ACSM2B: variants seen among roughly 807,000 people sequenced by gnomAD.
ACSM2B encodes the protein acyl-coenzyme A synthetase ACSM2B, mitochondrial.
A neutral mutation model predicts 78.6 loss-of-function variants in ACSM2B; 58 were observed. The ratio of observed to expected loss-of-function variants is 0.74; its 90% confidence interval spans 0.60 to 0.92. The LOEUF is 0.92. Among genes scored for constraint, ACSM2B ranks in the 40% least tolerant of loss-of-function variants. The pLI is 0.00. For missense variants in ACSM2B, 688 were observed against 711.2 expected (o/e 0.97, Z 0.37); for synonymous variants, 257 against 256.8 (o/e 1.00, Z -0.01).
chr16:20,567,091 T>C (rs1567218992), intron 1 of ACSM2B, among the ~76,000 whole-genome samples: 1 of 135,308 alleles, frequency 7.4e-6, no homozygotes, highest in East Asian at 2.0e-4. Flanking sequence ...TCTAGATATA[T>C]ATAATATCAT....
intron 2 of ACSM2B, among the ~76,000 whole-genome samples, chr16:20,560,622 C>A (rs564491168): frequency 6.6e-6 from 1 of 152,106 alleles, no homozygotes; most frequent in East Asian, 1.9e-4. Flanking sequence ...TCCTTTACAG[C>A]AACACAAGAA....
intron 9 of ACSM2B, among the ~76,000 whole-genome samples, chr16:20,545,978 G>A (rs2015129107): frequency 6.6e-6 from 1 of 152,068 alleles, no homozygotes; most frequent in Non-Finnish European, 1.5e-5. Context: ...AAACAGCAGT[G>A]GATACATACT....
intron 3 of ACSM2B, among the ~76,000 whole-genome samples, chr16:20,557,496 G>A (rs917309518): frequency 1.3e-5 from 2 of 152,084 alleles, no homozygotes; most frequent in Non-Finnish European, 2.9e-5. Context: ...TCTTATCTGA[G>A]ATTTCCAACT....
Position 20,541,939 on chromosome 16 carries a change from C to G in ACSM2B, c.1509+975G>C, listed in dbSNP as rs550049438. 3.3e-5 allele frequency: 5 copies of G among 152,360 alleles called. No individual in the cohort carries two copies. In the South Asian group the frequency reaches 1.0e-3, roughly 32 times the overall value. The allele number at this position is 152,360 out of a possible 1,614,324, so 9.4% of individuals were successfully genotyped here. ...CTCGTGATCCATCTGCCTCAGCCTC[C>G]CAACCAAGCACTTTACTTTCTAAAA... On this transcript the variant is annotated intron_variant, in intron 12 of 13. Coordinates refer to ENST00000329697, the MANE Select transcript of ACSM2B (RefSeq NM_001105069.2).
chr16:20,548,841 G>A (rs1242167739), intron 6 of ACSM2B, among the ~76,000 whole-genome samples: 2 of 152,090 alleles, frequency 1.3e-5, no homozygotes, highest in Admixed American at 1.3e-4. Flanking sequence ...CAGCTGTCTT[G>A]GTTGAGTCCC....
In ACSM2B at chr16:20,541,018, C is replaced by T. The variant is rs151263080; in HGVS notation, c.1510-245G>A. ...CCAGGCTCACCTCATGCTCCAAGGA[C>T]AACAGAGACAGATGAGGAGAAAGAA... On this transcript the variant is annotated intron_variant, in intron 12 of 13. Transcript: ENST00000329697. The T allele has an allele frequency of 2.1e-4, 71 of 345,310 alleles. 1 individual carries two copies. In the East Asian group the frequency reaches 3.2e-3, roughly 15 times the overall value. 21.4% of individuals were successfully genotyped at this position (345,310 alleles called of 1,614,324 possible).
rs2015707337 is a variant in ACSM2B at position 20,562,935 on chromosome 16, T to G, written c.177+1734A>C. On this transcript the variant is annotated intron_variant, in intron 2 of 13. Transcript: ENST00000329697. ...AGCAAGGAACTGACTTTACCTGTCC[T>G]GTGTCTGCCTCACCCAGAAACAAAC... Among the ~76,000 whole-genome samples, 8 of 152,196 alleles carry G rather than the reference T, an allele frequency of 5.3e-5. No individual in the cohort carries two copies. The South Asian group carries it at 1.7e-3, about 32-fold the overall frequency.
chr16:20,574,831 AT>A (rs2016199640), intron 1 of ACSM2B, among the ~76,000 whole-genome samples: 2 of 150,860 alleles, frequency 1.3e-5, no homozygotes, highest in South Asian at 2.1e-4. Context: ...ATCTTGGCAG[AT>A]TTGAGGCTCA....
chr16:20,572,725 G>A (rs1272091251), intron 1 of ACSM2B, among the ~76,000 whole-genome samples: 15 of 151,756 alleles, frequency 9.9e-5, no homozygotes, highest in Middle Eastern at 3.4e-3. Context: ...TCTTAGGTTT[G>A]ATCATTTAAC....
chr16:20,574,662 G>T (rs999200200), intron 1 of ACSM2B: 3 of 148,650 alleles, frequency 2.0e-5, no homozygotes, highest in African/African-American at 7.8e-5. Flanking sequence ...AACAATCAAT[G>T]CCCTCACTTT....
In ACSM2B at chr16:20,545,101, C is replaced by T. The variant is rs9935952; in HGVS notation, c.1281+56G>A. 5,641 of 1,562,376 alleles carry T rather than the reference C, an allele frequency of 3.6e-3. 165 individuals are homozygous for T. In the African/African-American group the frequency reaches 0.068, roughly 19 times the overall value. On this transcript the variant is annotated intron_variant, in intron 10 of 13. Transcript: ENST00000329697. ...TCAGAACATTTGTCCTCCCTCATCC[C>T]GTTTAGTGCTCCCATCCTCACTGGG...
At position 20,548,450 on chromosome 16, in the gene ACSM2B, C is replaced by G; in HGVS notation, c.918G>C (p.Lys306Asn). 1.2e-6 allele frequency: 2 copies of G among 1,613,626 alleles called. No individual in the cohort carries two copies. The highest frequency in any genetic ancestry group is 1.7e-6 in the Non-Finnish European group (2 of 1,179,690). ...AAACAATAGGGGCACCCATCATACTCTTGATTGGATAACTGGAGAGTGTCT... is the reference window on the plus strand; with the variant it reads ...AAACAATAGGGGCACCCATCATACTGTTGATTGGATAACTGGAGAGTGTCT... The part of the protein sequence containing the change: ...ILKTLSSYPI[K>N]SMMGAPIVYR... The change falls in exon 7 of 14, where the codon AAG becomes AAC. Residue 306 changes from lysine (K) to asparagine (N), a missense_variant. Physicochemically the swap from Lys to Asn is moderately conservative, Grantham distance 94 (BLOSUM62 0). Transcript: ENST00000329697.
At chr16:20,545,071 A>G (rs1259414004) in intron 10 of ACSM2B, 86 bp downstream of exon 10, 11 of 1,460,100 alleles carry the variant, frequency 7.5e-6, no homozygotes, top group Non-Finnish European at 1.0e-5. Flanking sequence ...TGCCTCTTGG[A>G]AGTTTCAGAA....
chr16:20,575,475 C>T (rs2016220933), intron 1 of ACSM2B: 1 of 151,852 alleles, frequency 6.6e-6, no homozygotes, highest in African/African-American at 2.4e-5. Flanking sequence ...CAAGGAGAGC[C>T]AGTTTGAGTT....
chr16:20,556,226 C>G (rs1030336280), intron 3 of ACSM2B, among the ~76,000 whole-genome samples: 54 of 152,148 alleles, frequency 3.5e-4, no homozygotes, highest in African/African-American at 1.3e-3. Context: ...AGATATATCC[C>G]ATGATTATCA....
At chr16:20,555,135 A>T in intron 4 of ACSM2B, 134 bp downstream of exon 4, 2 of 1,428,110 alleles carry the variant, frequency 1.4e-6, no homozygotes, top group Non-Finnish European at 1.9e-6. Flanking sequence ...ATTAGCTTTT[A>T]TTTCTTCCCA....
intron 1 of ACSM2B, among the ~76,000 whole-genome samples, chr16:20,566,382 T>C (rs1319169120): frequency 7.5e-6 from 1 of 133,074 alleles, no homozygotes. Context: ...AAAATATATA[T>C]ACTACATTAT....
chr16:20,544,808 T>A (rs957183942), intron 10 of ACSM2B: 2 of 1,001,846 alleles, frequency 2.0e-6, no homozygotes, highest in African/African-American at 1.7e-5. Context: ...ACGGCATAGA[T>A]CATGGGGATG....
intron 3 of ACSM2B, among the ~76,000 whole-genome samples, chr16:20,556,477 C>G (rs201962318): frequency 6.6e-6 from 1 of 152,168 alleles, no homozygotes; most frequent in Non-Finnish European, 1.5e-5. Context: ...TGGCACACGC[C>G]TGTAATCCCA....
Sources: allele counts gnomAD v4.1 joint callset (sites outside exome capture counted in the v4.1 genomes callset), GRCh38; gene constraint gnomAD v4.1.1; transcripts MANE v1.5; gene names NCBI Gene and HGNC (gene_info 2026-07-23, HGNC 2026-07-21).